FSTL4: variants seen among roughly 807,000 people sequenced by gnomAD.
The protein encoded by FSTL4 is follistatin-related protein 4.
In FSTL4, 28 loss-of-function variants were observed where a neutral mutation model predicts 78.2. The observed-to-expected ratio is 0.36, with a 90% CI of 0.27 to 0.49. The LOEUF (loss-of-function observed/expected upper bound fraction) is 0.49, where lower values mean the gene tolerates loss of function less well. FSTL4 is among the 20% of genes least tolerant of loss of function. The pLI is 0.98. For synonymous variants in FSTL4, 422 were observed against 440.5 expected (o/e 0.96, Z 0.53); for missense variants, 922 against 1,084.9 (o/e 0.85, Z 2.11).
intron 6 of FSTL4, among the ~76,000 whole-genome samples, chr5:133,284,350 G>A (rs1042843488): frequency 6.6e-6 from 1 of 152,190 alleles, no homozygotes; most frequent in African/African-American, 2.4e-5. Flanking sequence ...AGTGAGTCAA[G>A]TCATTAAAAA....
intron 4 of FSTL4, among the ~76,000 whole-genome samples, chr5:133,363,218 T>C (rs1755108232): frequency 6.6e-6 from 1 of 152,146 alleles, no homozygotes; most frequent in South Asian, 2.1e-4. Context: ...AATTACCTCA[T>C]GGTTAAGCAT....
intron 3 of FSTL4, among the ~76,000 whole-genome samples, chr5:133,466,794 T>G (rs1757717105): frequency 1.3e-5 from 2 of 152,166 alleles, no homozygotes; most frequent in African/African-American, 4.8e-5. Flanking sequence ...AGATAAGTCC[T>G]AAGCCCAGCA....
chr5:133,713,244 G>C, the FSTL4 span, among the ~76,000 whole-genome samples: 1 of 152,072 alleles, frequency 6.6e-6, no homozygotes, highest in South Asian at 2.1e-4. Flanking sequence ...TTGCAACTCT[G>C]CTAATTATTA....
the FSTL4 span, among the ~76,000 whole-genome samples, chr5:133,711,254 G>A: frequency 2.0e-5 from 3 of 152,208 alleles, no homozygotes; most frequent in Non-Finnish European, 4.4e-5. Context: ...TCATTCCATG[G>A]ACTTTGGGCA....
the FSTL4 span, among the ~76,000 whole-genome samples, chr5:133,715,429 C>A: frequency 1.3e-5 from 2 of 152,218 alleles, no homozygotes; most frequent in African/African-American, 4.8e-5. Context: ...TTTGCATTTT[C>A]TCATTTAGAG....
chr5:133,602,271 G>A (rs429868), intron 2 of FSTL4, among the ~76,000 whole-genome samples: 58,991 of 151,892 alleles, frequency 0.39, 11,578 homozygotes, highest in South Asian at 0.45. Context: ...AGGGGAGCAA[G>A]ATAACAACCC....
chr5:133,382,284 C>G (rs1055083655), intron 4 of FSTL4, among the ~76,000 whole-genome samples: 1 of 152,238 alleles, frequency 6.6e-6, no homozygotes, highest in African/African-American at 2.4e-5. Flanking sequence ...CCTGCGGACC[C>G]ATGCTGGATG....
chr5:133,216,555 T>C (rs2126780881), intron 13 of FSTL4, among the ~76,000 whole-genome samples: 1 of 152,326 alleles, frequency 6.6e-6, no homozygotes, highest in African/African-American at 2.4e-5. Context: ...TTCACCACAT[T>C]GGCCAGGCTG....
chr5:133,252,559 G>A (rs903408351), intron 6 of FSTL4, among the ~76,000 whole-genome samples: 2 of 152,076 alleles, frequency 1.3e-5, no homozygotes, highest in African/African-American at 4.8e-5. Context: ...GAGAACCACT[G>A]TGTTACAAGA....
chr5:133,613,058 A>G (rs539306952), upstream of FSTL4, among the ~76,000 whole-genome samples: 104 of 152,322 alleles, frequency 6.8e-4, no homozygotes, highest in Non-Finnish European at 1.1e-3. Context: ...TTCAGGGCAT[A>G]CAGGGGCAAT....
the FSTL4 span, among the ~76,000 whole-genome samples, chr5:133,778,776 T>C: frequency 6.6e-6 from 1 of 152,220 alleles, no homozygotes; most frequent in South Asian, 2.1e-4. Context: ...CTCTTCATTC[T>C]AAAGCAAGGA....
At chr5:133,497,789 G>A (rs1473507806) in intron 3 of FSTL4, among the ~76,000 whole-genome samples, 4 of 152,122 alleles carry the variant, frequency 2.6e-5, no homozygotes, top group South Asian at 4.1e-4. Flanking sequence ...AATAGAACAC[G>A]GTTATACAAC....
At chr5:133,277,138 C>T in intron 6 of FSTL4, among the ~76,000 whole-genome samples, 1 of 152,184 alleles carries the variant, frequency 6.6e-6, no homozygotes, top group Middle Eastern at 3.4e-3. Flanking sequence ...ATGGTGAAAC[C>T]CTGTCTCTAC....
intron 3 of FSTL4, among the ~76,000 whole-genome samples, chr5:133,433,200 C>A (rs956878709): frequency 9.9e-5 from 15 of 152,208 alleles, no homozygotes; most frequent in Non-Finnish European, 1.9e-4. Context: ...TTCACCAAAA[C>A]CTGGACAAGT....
intron 3 of FSTL4, among the ~76,000 whole-genome samples, chr5:133,531,903 G>A (rs1336388647): frequency 1.3e-5 from 2 of 152,176 alleles, no homozygotes; most frequent in Non-Finnish European, 2.9e-5. Context: ...TACACTCCAG[G>A]TCAGGGATGG....
At chr5:133,606,815 T>C (rs1036962549) in intron 1 of FSTL4, among the ~76,000 whole-genome samples, 4 of 152,208 alleles carry the variant, frequency 2.6e-5, no homozygotes, top group Non-Finnish European at 5.9e-5. Context: ...TTAATCTGCT[T>C]TGTAATCTAA....
intron 6 of FSTL4, among the ~76,000 whole-genome samples, chr5:133,268,221 G>A (rs1240154363): frequency 1.3e-5 from 2 of 152,138 alleles, no homozygotes; most frequent in Non-Finnish European, 2.9e-5. Flanking sequence ...CAAGAGCGGA[G>A]GCTAGATTCC....
intron 2 of FSTL4, among the ~76,000 whole-genome samples, chr5:133,582,934 G>C (rs1199448787): frequency 6.6e-6 from 1 of 152,116 alleles, no homozygotes; most frequent in East Asian, 1.9e-4. Context: ...CATAGCGCAG[G>C]GGTGCTCATC....
At chr5:133,820,496 T>C in the FSTL4 span, among the ~76,000 whole-genome samples, 1 of 152,214 alleles carries the variant, frequency 6.6e-6, no homozygotes, top group Admixed American at 6.5e-5. Flanking sequence ...AACCTCCTTA[T>C]TCCCTACTCC....
Sources: gnomAD v4.1 joint callset for allele counts (sites outside exome capture counted in the v4.1 genomes callset) on GRCh38, gnomAD v4.1.1 for gene constraint, MANE v1.5 for transcripts, NCBI Gene and HGNC (gene_info 2026-07-23, HGNC 2026-07-21) for gene names.